LRP1B: variants seen among roughly 807,000 people sequenced by gnomAD.
The protein encoded by LRP1B is LDL receptor related protein 1B.
A neutral mutation model predicts 556.6 loss-of-function variants in LRP1B; 217 were observed. The observed-to-expected ratio is 0.39, with a 90% CI of 0.35 to 0.44. The LOEUF (loss-of-function observed/expected upper bound fraction) is 0.44, where lower values mean the gene tolerates loss of function less well. LRP1B is among the 20% of genes least tolerant of loss of function. The pLI is 1.00. For synonymous variants in LRP1B, 2,047 were observed against 1,865.8 expected (o/e 1.10, Z -2.50); for missense variants, 5,053 against 5,620.8 (o/e 0.90, Z 3.23).
intron 1 of LRP1B, among the ~76,000 whole-genome samples, chr2:142,090,268 AATG>A (rs1255601391): frequency 3.3e-5 from 5 of 152,112 alleles, no homozygotes; most frequent in African/African-American, 9.7e-5. Context: ...AGTAAACAAT[AATG>A]ATAATAACCA....
chr2:140,285,177 A>T (rs900551175), intron 84 of LRP1B, among the ~76,000 whole-genome samples: 4 of 149,862 alleles, frequency 2.7e-5, no homozygotes, highest in Non-Finnish European at 6.0e-5. Flanking sequence ...ATACATATAC[A>T]TATCTACATC....
intron 6 of LRP1B, among the ~76,000 whole-genome samples, chr2:141,216,771 G>C (rs1370555830): frequency 6.6e-6 from 1 of 152,172 alleles, no homozygotes; most frequent in African/African-American, 2.4e-5. Flanking sequence ...TGGATTTCAA[G>C]CTTACAGGGA....
At chr2:140,388,872 C>T (rs572273214) in intron 66 of LRP1B, among the ~76,000 whole-genome samples, 1 of 152,290 alleles carries the variant, frequency 6.6e-6, no homozygotes, top group Admixed American at 6.5e-5. Flanking sequence ...TAAAATCAGA[C>T]TCTCTGGGGT....
intron 9 of LRP1B, among the ~76,000 whole-genome samples, chr2:141,057,003 T>A (rs1371872749): frequency 6.6e-6 from 1 of 151,878 alleles, no homozygotes; most frequent in Non-Finnish European, 1.5e-5. Flanking sequence ...CCACCTCTAA[T>A]GTATCAGAAA....
chr2:141,280,818 C>T (rs1390942561), intron 3 of LRP1B, among the ~76,000 whole-genome samples: 1 of 151,782 alleles, frequency 6.6e-6, no homozygotes, highest in African/African-American at 2.4e-5. Context: ...TGAAAAGAAT[C>T]AGTGATTTTC....
At chr2:140,902,106 T>A (rs992001916) in intron 23 of LRP1B, among the ~76,000 whole-genome samples, 4 of 152,186 alleles carry the variant, frequency 2.6e-5, no homozygotes, top group Admixed American at 2.6e-4. Context: ...TGGAAAGATA[T>A]GCTAACTTTC....
intron 1 of LRP1B, among the ~76,000 whole-genome samples, chr2:141,900,417 T>C (rs1355214923): frequency 1.3e-5 from 2 of 152,148 alleles, no homozygotes; most frequent in East Asian, 3.9e-4. Context: ...TCCTCAAGAG[T>C]TGTATGTGAA....
At chr2:141,923,476 GTGTGTGTGTGT>G (rs1476693171) in intron 1 of LRP1B, among the ~76,000 whole-genome samples, 2 of 124,924 alleles carry the variant, frequency 1.6e-5, no homozygotes, top group Non-Finnish European at 1.8e-5. Context: ...GTGTGTGTGT[GTGTGTGTGTGT>G]AGAGAGAGGG....
intron 66 of LRP1B, among the ~76,000 whole-genome samples, chr2:140,403,253 G>T (rs994468654): frequency 5.9e-5 from 9 of 152,178 alleles, no homozygotes; most frequent in Middle Eastern, 3.4e-3. Flanking sequence ...GATCACACTA[G>T]TTCCCCAGCA....
chr2:141,359,267 G>A (rs1257402769), intron 3 of LRP1B, among the ~76,000 whole-genome samples: 17 of 123,454 alleles, frequency 1.4e-4, no homozygotes, highest in South Asian at 2.7e-4. Context: ...CAAAATAAAT[G>A]AAAAAAAAAA....
rs542916297 is a variant in LRP1B at position 141,413,969 on chromosome 2, G to T, written c.343+66427C>A. Among the ~76,000 whole-genome samples the T allele has an allele frequency of 4.6e-5, 7 of 151,346 alleles. No homozygotes were observed. In the East Asian group the frequency reaches 9.9e-4, roughly 21 times the overall value. ...AAAGAGGCTGGGCGCAGTGGCTCACGCCTGTAATCCCAGCACTTTGGGAGG... is the reference window on the plus strand; with the variant it reads ...AAAGAGGCTGGGCGCAGTGGCTCACTCCTGTAATCCCAGCACTTTGGGAGG... On this transcript the variant is annotated intron_variant, in intron 3 of 90. Transcript: ENST00000389484.
chr2:140,594,988 C>G (rs1481618567), intron 43 of LRP1B, among the ~76,000 whole-genome samples: 3 of 150,640 alleles, frequency 2.0e-5, no homozygotes, highest in Non-Finnish European at 4.4e-5. Context: ...TTTTACCTGT[C>G]ACACATTTCT....
chr2:140,764,986 T>A (rs1475859804), intron 35 of LRP1B, among the ~76,000 whole-genome samples: 1 of 152,108 alleles, frequency 6.6e-6, no homozygotes, highest in Non-Finnish European at 1.5e-5. Context: ...ATGACCCTTA[T>A]TCTGTGTTTA....
chr2:140,444,474 G>C (rs2105304517), intron 64 of LRP1B, 25 bp from the exon 65 acceptor site: 1 of 1,613,704 alleles, frequency 6.2e-7, no homozygotes, highest in Non-Finnish European at 8.5e-7. Flanking sequence ...GAGAGAGAGA[G>C]AGAAAATTTG....
chr2:141,234,886 G>A (rs1299444550), intron 5 of LRP1B, among the ~76,000 whole-genome samples: 1 of 151,910 alleles, frequency 6.6e-6, no homozygotes, highest in Non-Finnish European at 1.5e-5. Flanking sequence ...CTGAAAATGT[G>A]AATCAAGTTA....
intron 35 of LRP1B, among the ~76,000 whole-genome samples, chr2:140,749,617 C>T (rs1027457896): frequency 4.6e-5 from 7 of 152,142 alleles, no homozygotes; most frequent in Non-Finnish European, 1.0e-4. Context: ...ACATCTTGTC[C>T]CACTGGAAGG....
chr2:140,491,584 G>GA (rs199708824), intron 57 of LRP1B, among the ~76,000 whole-genome samples: 7 of 151,850 alleles, frequency 4.6e-5, no homozygotes, highest in African/African-American at 2.4e-5. Context: ...TAAAAATACA[G>GA]AAAAAAATAT....
chr2:140,965,561 A>ATTG (rs1696183992), intron 18 of LRP1B, among the ~76,000 whole-genome samples: 2 of 7,596 alleles, frequency 2.6e-4, no homozygotes, highest in Non-Finnish European at 8.0e-4. Context: ...TTTTCTTTTA[A>ATTG]TTTTTTTATT....
chr2:140,285,400 CAGAGAGAG>C (rs140170642), intron 84 of LRP1B, among the ~76,000 whole-genome samples: 19 of 150,236 alleles, frequency 1.3e-4, no homozygotes, highest in African/African-American at 4.2e-4. Context: ...TATATACACA[CAGAGAGAG>C]AGATATTTCT....
Sources: gnomAD v4.1 joint callset for allele counts (sites outside exome capture counted in the v4.1 genomes callset) on GRCh38, gnomAD v4.1.1 for gene constraint, MANE v1.5 for transcripts, NCBI Gene and HGNC (gene_info 2026-07-23, HGNC 2026-07-21) for gene names.